The following PARM1 variants were observed in gnomAD, a reference collection of about 807,000 sequenced individuals.
PARM1 encodes the protein prostate androgen-regulated mucin-like protein 1.
In PARM1, 14 loss-of-function variants were observed where a neutral mutation model predicts 24.6. The ratio of observed to expected loss-of-function variants is 0.57; its 90% CI spans 0.38 to 0.89. The LOEUF (loss-of-function observed/expected upper bound fraction) is 0.89. Ranked by LOEUF, PARM1 falls within the 40% of genes least tolerant of loss-of-function variation. The probability of loss-of-function intolerance (pLI) is 0.00; values close to 1 mark genes in which losing one functional copy is unlikely to be tolerated. For missense variants in PARM1, 362 were observed against 380.4 expected (o/e 0.95, Z 0.40); for synonymous variants, 179 against 156.6 (o/e 1.14, Z -1.07).
In PARM1 at chr4:75,046,696, C is replaced by T. The variant is rs10007853; in HGVS notation, c.*449C>T. The T allele has an allele frequency of 0.16, 24,863 of 157,636 alleles. 3,250 individuals are homozygous for T. Among genetic ancestry groups the T allele is most frequent in the African/African-American group, 0.36 (15,044 of 41,518 alleles). The allele number at this position is 157,636 out of a possible 1,614,324, so 9.8% of individuals were successfully genotyped here. ...AAATGAGCTCTACGAGGATTTCACC[C>T]TGCATGGGAGAGAGCAGGGTTTTCT... On this transcript the variant is annotated 3_prime_UTR_variant, in exon 4 of 4. Transcript: ENST00000307428.
chr4:74,964,323 A>T (rs1721852444), intron 1 of PARM1, among the ~76,000 whole-genome samples: 1 of 152,190 alleles, frequency 6.6e-6, no homozygotes, highest in Non-Finnish European at 1.5e-5. Flanking sequence ...GGCCTGCATG[A>T]TTGATGAGGT....
At chr4:74,959,163 G>T (rs1721708940) in intron 1 of PARM1, among the ~76,000 whole-genome samples, 1 of 152,124 alleles carries the variant, frequency 6.6e-6, no homozygotes, top group Non-Finnish European at 1.5e-5. Flanking sequence ...CATCTTAGTG[G>T]CTATCGTATT....
chr4:75,028,775 A>C (rs968065499), intron 2 of PARM1, among the ~76,000 whole-genome samples: 1 of 152,206 alleles, frequency 6.6e-6, no homozygotes, highest in African/African-American at 2.4e-5. Flanking sequence ...AACTTCTTTA[A>C]AGAGCCCAGC....
intron 1 of PARM1, among the ~76,000 whole-genome samples, chr4:75,005,302 G>A (rs1231532501): frequency 6.6e-6 from 1 of 152,172 alleles, no homozygotes; most frequent in Non-Finnish European, 1.5e-5. Flanking sequence ...CCAAAGCTTT[G>A]CCACATGTTT....
chr4:75,025,345 C>T (rs1473277833), intron 2 of PARM1, among the ~76,000 whole-genome samples: 1 of 152,148 alleles, frequency 6.6e-6, no homozygotes, highest in African/African-American at 2.4e-5. Context: ...ATCGGTTGTT[C>T]TAAGGTGGAA....
intron 1 of PARM1, among the ~76,000 whole-genome samples, chr4:75,002,679 C>T (rs1445049019): frequency 3.9e-5 from 6 of 152,220 alleles, no homozygotes; most frequent in Admixed American, 1.3e-4. Context: ...CCCTCCCTTC[C>T]GCTTGGAAAT....
chr4:74,986,343 C>T (rs929566605), intron 1 of PARM1, among the ~76,000 whole-genome samples: 2 of 152,160 alleles, frequency 1.3e-5, no homozygotes, highest in Non-Finnish European at 2.9e-5. Flanking sequence ...CCTAATTATA[C>T]TCAAAGTGCT....
intron 1 of PARM1, among the ~76,000 whole-genome samples, chr4:74,972,290 T>A (rs574498127): frequency 6.6e-6 from 1 of 152,328 alleles, no homozygotes; most frequent in Admixed American, 6.5e-5. Context: ...AACATTGGAT[T>A]TGTTTTGTTT....
chr4:75,017,431 C>T (rs934020043), intron 2 of PARM1, among the ~76,000 whole-genome samples: 2 of 152,112 alleles, frequency 1.3e-5, no homozygotes, highest in Non-Finnish European at 2.9e-5. Context: ...TTGCAGTTAC[C>T]ATCCCCCCTA....
chr4:75,046,518 C>A lies in PARM1; in HGVS notation c.*271C>A. 1 of 334,406 alleles carries A rather than the reference C, an allele frequency of 3.0e-6. No homozygotes were observed. The highest frequency in any genetic ancestry group is 5.5e-6 in the Non-Finnish European group (1 of 181,010). 20.7% of individuals were successfully genotyped at this position (334,406 alleles called of 1,614,324 possible). ...CCAGGCCAGACCACCATGGTGAAGG[C>A]TTCTTTCCCCACTGCAGGACCCACT... On this transcript the variant is annotated 3_prime_UTR_variant, in exon 4 of 4. Coordinates refer to ENST00000307428, the MANE Select transcript of PARM1 (RefSeq NM_015393.4).
intron 2 of PARM1, among the ~76,000 whole-genome samples, chr4:75,017,171 A>G (rs779273597): frequency 3.9e-5 from 6 of 151,954 alleles, no homozygotes; most frequent in Admixed American, 6.6e-5. Context: ...CCTGCAACTG[A>G]TCTCACTATT....
At chr4:75,006,285 G>A (rs1472668527) in intron 1 of PARM1, among the ~76,000 whole-genome samples, 2 of 150,410 alleles carry the variant, frequency 1.3e-5, no homozygotes, top group South Asian at 2.1e-4. Flanking sequence ...AATGCTATCC[G>A]TCCCCCCTCC....
chr4:74,944,920 G>A (rs1721381964), intron 1 of PARM1, among the ~76,000 whole-genome samples: 1 of 152,120 alleles, frequency 6.6e-6, no homozygotes, highest in African/African-American at 2.4e-5. Context: ...CTGATTCAAA[G>A]TCCTGTTTGT....
intron 1 of PARM1, among the ~76,000 whole-genome samples, chr4:74,961,844 A>G (rs1247640117): frequency 2.6e-5 from 4 of 152,238 alleles, no homozygotes; most frequent in Non-Finnish European, 4.4e-5. Flanking sequence ...GAAATGAAAG[A>G]ACACTAAGCA....
At chr4:74,992,927 A>T (rs1012433215) in intron 1 of PARM1, among the ~76,000 whole-genome samples, 3 of 152,166 alleles carry the variant, frequency 2.0e-5, no homozygotes, top group African/African-American at 4.8e-5. Context: ...TTTAAAATAA[A>T]AATAATAATA....
chr4:75,046,076 C>T, intron 3 of PARM1, 87 bp from the exon 4 acceptor site: 9 of 812,374 alleles, frequency 1.1e-5, no homozygotes, highest in Non-Finnish European at 1.9e-5. Flanking sequence ...GCCCCATAAG[C>T]ATCCCCAGTT....
chr4:75,039,691 G>A (rs551619327), intron 3 of PARM1, among the ~76,000 whole-genome samples: 54 of 152,128 alleles, frequency 3.5e-4, no homozygotes, highest in Middle Eastern at 3.4e-3. Context: ...TGTTTTACCC[G>A]CTTCTAACAC....
At chr4:75,019,952 G>A (rs1289575385) in intron 2 of PARM1, among the ~76,000 whole-genome samples, 1 of 138,660 alleles carries the variant, frequency 7.2e-6, no homozygotes, top group Non-Finnish European at 1.5e-5. Context: ...GCAGTGAGCC[G>A]AGATTGCGCC....
chr4:74,981,879 C>CA (rs1159910773), intron 1 of PARM1, among the ~76,000 whole-genome samples: 3,960 of 55,148 alleles, frequency 0.072, 211 homozygotes, highest in African/African-American at 0.19. Context: ...ACTCAATCTC[C>CA]AAAAAAAAAA....
Sources: allele counts gnomAD v4.1 joint callset (sites outside exome capture counted in the v4.1 genomes callset), GRCh38; gene constraint gnomAD v4.1.1; transcripts MANE v1.5; gene names NCBI Gene and HGNC (gene_info 2026-07-23, HGNC 2026-07-21).